The following DUSP16 variants were observed in gnomAD, a reference collection of about 807,000 sequenced individuals.
DUSP16 encodes the protein dual specificity phosphatase 16, also known as dual specificity protein phosphatase 16.
In DUSP16, 21 loss-of-function variants were observed where a neutral mutation model predicts 58.3. The observed-to-expected ratio is 0.36, with a 90% CI of 0.26 to 0.52. The LOEUF is 0.52. Ranked by LOEUF, DUSP16 falls within the 20% of genes least tolerant of loss-of-function variation. The pLI is 0.94. For missense variants in DUSP16, 726 were observed against 819.0 expected, an observed-to-expected ratio of 0.89 and a Z score of 1.39; for synonymous variants, 320 against 323.8, an observed-to-expected ratio of 0.99 and a Z score of 0.12.
rs890765349 is a variant in DUSP16, at chr12:12,562,773, G to C, written c.-1022C>G. Among the ~76,000 whole-genome samples the C allele has an allele frequency of 6.6e-6, 1 of 151,364 alleles. No homozygotes were observed. The highest frequency in any genetic ancestry group is 2.4e-5 in the African/African-American group (1 of 41,328). ...GGGGCCGCGCGCTCGCCCATCCCGC[G>C]GCCGCCCGAGCCCGGAGCGCGGCTC... On this transcript the variant is annotated 5_prime_UTR_variant, in exon 1 of 7. Coordinates refer to ENST00000298573, the MANE Select transcript of DUSP16 (RefSeq NM_030640.3).
At chr12:12,556,461 GC>G (rs1944807377) in intron 1 of DUSP16, among the ~76,000 whole-genome samples, 1 of 151,930 alleles carries the variant, frequency 6.6e-6, no homozygotes, top group African/African-American at 2.4e-5. Context: ...TGTGGTCTCA[GC>G]TACTTGGGAG....
At chr12:12,506,465 C>T (rs1472087267) in intron 3 of DUSP16, among the ~76,000 whole-genome samples, 2 of 152,198 alleles carry the variant, frequency 1.3e-5, no homozygotes, top group Admixed American at 1.3e-4. Context: ...AACTGATAAG[C>T]TTCTTGAAAA....
Position 12,552,586 on chromosome 12 carries a change from C to T in DUSP16, c.-366+9531G>A, listed in dbSNP as rs560844289. Reference sequence around the variant, plus strand: ...TCCGTGTGCAGCCAGGTTTTCTTCACGTATTTCAACCAAAACAACATATCA... The same window carrying T: ...TCCGTGTGCAGCCAGGTTTTCTTCATGTATTTCAACCAAAACAACATATCA... On this transcript the variant is annotated intron_variant, in intron 1 of 6. Coordinates refer to ENST00000298573, the MANE Select transcript of DUSP16 (RefSeq NM_030640.3). Among the ~76,000 whole-genome samples, 16 of 152,258 alleles carry T rather than the reference C, an allele frequency of 1.1e-4. No individual in the cohort carries two copies. The South Asian group carries it at 3.1e-3, about 30-fold the overall frequency.
intron 3 of DUSP16, among the ~76,000 whole-genome samples, chr12:12,507,702 C>T (rs1209883834): frequency 2.0e-5 from 3 of 152,286 alleles, no homozygotes; most frequent in East Asian, 1.9e-4. Context: ...CTCCACCTCC[C>T]GGGTTCAAGC....
In DUSP16 at chr12:12,476,941, CA is replaced by C; in HGVS notation, c.1889del (p.Met630ArgfsTer91). The C allele has an allele frequency of 6.2e-7, 1 of 1,614,182 alleles. No homozygotes were observed. Among genetic ancestry groups the C allele is most frequent in the Non-Finnish European group, 8.5e-7 (1 of 1,180,038 alleles). ...EKQFKRRSCQ[M>X]EFGESIMSEN... ...CTGACATGATGCTCTCTCCAAATTC[CA>C]TTTGGCAGCTTCTGCGTTTAAACTG... On this transcript the variant is annotated frameshift_variant, in exon 7 of 7. Coordinates refer to ENST00000298573, the MANE Select transcript of DUSP16 (RefSeq NM_030640.3). LOFTEE classifies it high-confidence loss of function.
At chr12:12,492,360 A>G (rs1943773987) in intron 4 of DUSP16, among the ~76,000 whole-genome samples, 1 of 152,164 alleles carries the variant, frequency 6.6e-6, no homozygotes, top group African/African-American at 2.4e-5. Context: ...ATAGACTTCC[A>G]TCACCACATT....
intron 1 of DUSP16, among the ~76,000 whole-genome samples, chr12:12,544,722 G>A (rs1251662284): frequency 6.6e-6 from 1 of 152,114 alleles, no homozygotes; most frequent in African/African-American, 2.4e-5. Context: ...GACGAATATG[G>A]CTGAACACTG....
intron 1 of DUSP16, among the ~76,000 whole-genome samples, chr12:12,544,346 TTATC>T (rs1354351606): frequency 6.6e-6 from 1 of 152,228 alleles, no homozygotes; most frequent in Non-Finnish European, 1.5e-5. Context: ...AACAATGTAT[TTATC>T]TATTCTTCCA....
rs567380323 is a variant in DUSP16 at position 12,474,458 on chromosome 12, G to A, written c.*2375C>T. ...GTTTTGCTCTTTAAAATCACCATCT[G>A]TATCACCCCTAGTAGACGCGAGGGT... On this transcript the variant is annotated 3_prime_UTR_variant, in exon 7 of 7. Transcript: ENST00000298573. The A allele has an allele frequency of 6.6e-6, 1 of 152,202 alleles. No individual in the cohort carries two copies. The highest frequency in any genetic ancestry group is 2.4e-5 in the African/African-American group (1 of 41,404). The allele number at this position is 152,202 out of a possible 1,614,324, so 9.4% of individuals were successfully genotyped here.
In DUSP16 at chr12:12,520,949, G is replaced by A; in HGVS notation, c.150C>T (p.Cys50=). The A allele has an allele frequency of 2.5e-6, 4 of 1,614,190 alleles. No individual in the cohort carries two copies. Among genetic ancestry groups the A allele is most frequent in the Non-Finnish European group, 2.5e-6 (3 of 1,180,040 alleles). The change falls in exon 2 of 7, where the codon TGC becomes TGT. Residue 50 remains cysteine (C), a synonymous_variant. Transcript: ENST00000298573. ...SHILEAININ[C]SKLMKRRLQQ... ...GCAACCTTCGCTTCATAAGCTTGGAGCAGTTGATATTAATGGCTTCCAAAA... is the reference window on the plus strand; with the variant it reads ...GCAACCTTCGCTTCATAAGCTTGGAACAGTTGATATTAATGGCTTCCAAAA...
At chr12:12,551,188 A>T (rs775584817) in intron 1 of DUSP16, among the ~76,000 whole-genome samples, 7 of 152,028 alleles carry the variant, frequency 4.6e-5, no homozygotes, top group Non-Finnish European at 5.9e-5. Context: ...AATAAAGTGA[A>T]CCTGTCACTT....
chr12:12,554,377 T>C (rs1944778210), intron 1 of DUSP16, among the ~76,000 whole-genome samples: 1 of 152,132 alleles, frequency 6.6e-6, no homozygotes, highest in South Asian at 2.1e-4. Flanking sequence ...CCCAAAGTAC[T>C]GGATCATAAG....
chr12:12,528,737 G>C (rs1944339992), intron 1 of DUSP16, among the ~76,000 whole-genome samples: 1 of 152,138 alleles, frequency 6.6e-6, no homozygotes, highest in South Asian at 2.1e-4. Context: ...AAAAATTACT[G>C]CCTTTCTGGA....
At chr12:12,555,288 G>C (rs1222936267) in intron 1 of DUSP16, among the ~76,000 whole-genome samples, 1 of 152,174 alleles carries the variant, frequency 6.6e-6, no homozygotes, top group Admixed American at 6.5e-5. Context: ...TCAAATAAGA[G>C]TCCATGCCCA....
intron 3 of DUSP16, among the ~76,000 whole-genome samples, chr12:12,502,645 G>C (rs1320600710): frequency 6.7e-6 from 1 of 149,164 alleles, no homozygotes; most frequent in Non-Finnish European, 1.5e-5. Context: ...TCCGCCTCCC[G>C]AGTTCAAGAG....
Position 12,476,950 on chromosome 12 carries a change from G to T in DUSP16, c.1881C>A (p.Ser627Arg), listed in dbSNP as rs1371436280. Residue 627 changes from serine to arginine, a missense_variant, in exon 7 of 7, where the codon AGC becomes AGA. Transcript: ENST00000298573. ...TGCTCTCTCCAAATTCCATTTGGCA[G>T]CTTCTGCGTTTAAACTGCTTTTCAA... Reference protein sequence around the residue: ...SPFEKQFKRRSCQMEFGESIM... With the variant: ...SPFEKQFKRRRCQMEFGESIM... 1 of 1,614,162 alleles carries T rather than the reference G, an allele frequency of 6.2e-7. No individual in the cohort carries two copies. The highest frequency in any genetic ancestry group is 1.7e-5 in the Admixed American group (1 of 60,022).
At chr12:12,543,340 A>G (rs1333104344) in intron 1 of DUSP16, among the ~76,000 whole-genome samples, 1 of 152,196 alleles carries the variant, frequency 6.6e-6, no homozygotes, top group Non-Finnish European at 1.5e-5. Context: ...ATGGTTCAGA[A>G]AAATGTATCA....
chr12:12,545,319 G>A (rs1455873178), intron 1 of DUSP16, among the ~76,000 whole-genome samples: 2 of 152,098 alleles, frequency 1.3e-5, no homozygotes, highest in African/African-American at 2.4e-5. Flanking sequence ...GAGTGCAGTG[G>A]CATGATCTCA....
intron 5 of DUSP16, 121 bp downstream of exon 5, chr12:12,486,907 A>G: frequency 2.5e-6 from 3 of 1,220,522 alleles, no homozygotes; most frequent in Non-Finnish European, 3.5e-6. Flanking sequence ...TGCTGTTTTC[A>G]GACTTTTGAA....
Sources: allele counts gnomAD v4.1 joint callset (sites outside exome capture counted in the v4.1 genomes callset), GRCh38; gene constraint gnomAD v4.1.1; transcripts MANE v1.5; gene names NCBI Gene and HGNC (gene_info 2026-07-23, HGNC 2026-07-21).